The following GUCY1A2 variants were observed in gnomAD, a reference collection of about 807,000 sequenced individuals.
GUCY1A2 encodes guanylate cyclase 1 soluble subunit alpha 2.
In GUCY1A2, 27 loss-of-function variants were observed where a neutral mutation model predicts 63.5. The ratio of observed to expected loss-of-function variants is 0.43; its 90% CI spans 0.31 to 0.59. GUCY1A2 has a LOEUF of 0.59. Among genes scored for constraint, GUCY1A2 ranks in the 20% least tolerant of loss-of-function variants. The pLI, the probability that GUCY1A2 is intolerant of heterozygous loss-of-function variation, is 0.11. For synonymous variants in GUCY1A2, 364 were observed against 343.5 expected, an observed-to-expected ratio of 1.06 and a Z score of -0.66; for missense variants, 768 against 913.3, an observed-to-expected ratio of 0.84 and a Z score of 2.05.
chr11:106,811,174 G>A (rs1858757341), intron 4 of GUCY1A2, among the ~76,000 whole-genome samples: 1 of 151,994 alleles, frequency 6.6e-6, no homozygotes, highest in African/African-American at 2.4e-5. Flanking sequence ...AAGAATCTGA[G>A]GGTAAAGTAA....
intron 3 of GUCY1A2, among the ~76,000 whole-genome samples, chr11:106,977,715 C>T (rs1329007352): frequency 2.0e-5 from 3 of 152,130 alleles, no homozygotes; most frequent in Non-Finnish European, 4.4e-5. Context: ...AAAGAAAGAA[C>T]ATGCAAACTG....
At chr11:106,958,611 T>A (rs200107874) in intron 3 of GUCY1A2, among the ~76,000 whole-genome samples, 26 of 142,968 alleles carry the variant, frequency 1.8e-4, no homozygotes, top group East Asian at 2.0e-4. Flanking sequence ...CTGTTTAATA[T>A]AAAAAAAAAA....
At chr11:106,859,350 C>T (rs1019622455) in intron 4 of GUCY1A2, among the ~76,000 whole-genome samples, 1 of 151,938 alleles carries the variant, frequency 6.6e-6, no homozygotes, top group African/African-American at 2.4e-5. Flanking sequence ...TTGTCTCATA[C>T]TTAAATTGAG....
chr11:106,965,525 G>A (rs1861116509), intron 3 of GUCY1A2, among the ~76,000 whole-genome samples: 1 of 152,132 alleles, frequency 6.6e-6, no homozygotes, highest in Non-Finnish European at 1.5e-5. Flanking sequence ...TTTGATTTGT[G>A]GATTTTACTT....
At chr11:106,865,625 G>A (rs1429702602) in intron 4 of GUCY1A2, among the ~76,000 whole-genome samples, 1 of 151,868 alleles carries the variant, frequency 6.6e-6, no homozygotes, top group African/African-American at 2.4e-5. Flanking sequence ...ACAGGGAGGG[G>A]AGCATCACAC....
chr11:106,702,211 G>T (rs1862828996), intron 7 of GUCY1A2, among the ~76,000 whole-genome samples: 1 of 152,142 alleles, frequency 6.6e-6, no homozygotes, highest in African/African-American at 2.4e-5. Context: ...TGTTTGCTGT[G>T]ACTATGATGA....
rs568315344 is a variant in GUCY1A2 at position 106,679,420 on chromosome 11, C to A, written c.*8129G>T. ...CACACTTGTTTTGCTAGCAGCCAAA[C>A]CCAATTTGAGAAGAATGTGAAGAAG... On this transcript the variant is annotated 3_prime_UTR_variant, in exon 8 of 8. Transcript: ENST00000526355. 1 of 195,516 alleles carries A rather than the reference C, an allele frequency of 5.1e-6. No homozygotes were observed. Among genetic ancestry groups the A allele is most frequent in the Non-Finnish European group, 1.1e-5 (1 of 94,134 alleles). The allele number at this position is 195,516 out of a possible 1,614,324, so 12.1% of individuals were successfully genotyped here. A position where few individuals can be genotyped will look rare whatever the true frequency, so the allele number is the denominator to read the frequency against.
intron 1 of GUCY1A2, among the ~76,000 whole-genome samples, chr11:107,006,290 T>C (rs1861670454): frequency 6.6e-6 from 1 of 152,250 alleles, no homozygotes; most frequent in African/African-American, 2.4e-5. Context: ...CCATTCACTG[T>C]TCACATTTTA....
intron 6 of GUCY1A2, among the ~76,000 whole-genome samples, chr11:106,764,026 T>TA (rs1282369832): frequency 6.6e-6 from 1 of 152,116 alleles, no homozygotes; most frequent in Non-Finnish European, 1.5e-5. Flanking sequence ...TCATTTCTTC[T>TA]ATTTTTTATA....
At chr11:106,809,042 T>C (rs1330526674) in intron 5 of GUCY1A2, among the ~76,000 whole-genome samples, 1 of 152,086 alleles carries the variant, frequency 6.6e-6, no homozygotes, top group Non-Finnish European at 1.5e-5. Context: ...AAAGAGCTCA[T>C]TTCCCCAAGA....
chr11:106,777,690 G>T (rs1864382859), intron 5 of GUCY1A2, among the ~76,000 whole-genome samples: 1 of 129,876 alleles, frequency 7.7e-6, no homozygotes, highest in Non-Finnish European at 1.7e-5. Flanking sequence ...GGGGGTGGGG[G>T]GCTAGGGGTG....
intron 4 of GUCY1A2, among the ~76,000 whole-genome samples, chr11:106,856,538 T>C (rs1859438376): frequency 6.6e-6 from 1 of 152,214 alleles, no homozygotes; most frequent in Non-Finnish European, 1.5e-5. Context: ...ATTTTGAAGA[T>C]AAAGTGAAAC....
chr11:106,972,075 A>T (rs1861202456), intron 3 of GUCY1A2, among the ~76,000 whole-genome samples: 1 of 152,152 alleles, frequency 6.6e-6, no homozygotes. Flanking sequence ...GGTCATCAAA[A>T]ACAACATAAG....
chr11:106,863,900 T>G lies in GUCY1A2; in HGVS notation c.1207-53422A>C, dbSNP rs557682442. ...TATTTTATTCTCTTTGTAGCAATTGTGAATGGGAGTTCACTCATGATTTGG... is the reference window on the plus strand; with the variant it reads ...TATTTTATTCTCTTTGTAGCAATTGGGAATGGGAGTTCACTCATGATTTGG... On this transcript the variant is annotated intron_variant, in intron 4 of 7. Coordinates refer to ENST00000526355, the MANE Select transcript of GUCY1A2 (RefSeq NM_000855.3). 1.2e-4 allele frequency among the ~76,000 whole-genome samples: 18 copies of G among 152,292 alleles called. 1 individual carries two copies. The South Asian group carries it at 3.5e-3, about 30-fold the overall frequency.
chr11:106,934,585 C>A (rs1860649635), intron 4 of GUCY1A2, among the ~76,000 whole-genome samples: 1 of 152,094 alleles, frequency 6.6e-6, no homozygotes, highest in Non-Finnish European at 1.5e-5. Flanking sequence ...CACAGAAAAC[C>A]AGACATTTCC....
chr11:107,012,512 A>T (rs1861761531), intron 1 of GUCY1A2, among the ~76,000 whole-genome samples: 1 of 152,192 alleles, frequency 6.6e-6, no homozygotes, highest in Non-Finnish European at 1.5e-5. Context: ...TAATTCACAA[A>T]AGAGGAAACT....
chr11:106,954,697 G>A (rs1054577916), intron 3 of GUCY1A2, among the ~76,000 whole-genome samples: 1 of 152,090 alleles, frequency 6.6e-6, no homozygotes. Flanking sequence ...TCTGTATTGG[G>A]TACATATATA....
In GUCY1A2 at chr11:106,698,670, C is replaced by A. The variant is rs146756452; in HGVS notation, c.1991+9842G>T. ...TATTAAGTAAATTACAGACTTTATT[C>A]AGATTTCACTGATTTTCTATTAATG... is the stretch of plus-strand genomic sequence containing the variant. On this transcript the variant is annotated intron_variant, in intron 7 of 7. Coordinates refer to ENST00000526355, the MANE Select transcript of GUCY1A2 (RefSeq NM_000855.3). Among the ~76,000 whole-genome samples the A allele has an allele frequency of 3.8e-3, 578 of 152,140 alleles. 3 individuals are homozygous for A. Among genetic ancestry groups the A allele is most frequent in the African/African-American group, 0.014 (565 of 41,512 alleles).
intron 4 of GUCY1A2, among the ~76,000 whole-genome samples, chr11:106,830,617 G>T (rs567726171): frequency 1.5e-4 from 23 of 152,216 alleles, no homozygotes; most frequent in Non-Finnish European, 2.1e-4. Flanking sequence ...GATGCTTCCT[G>T]CTCTCGAACA....
Sources: gnomAD v4.1 joint callset for allele counts (sites outside exome capture counted in the v4.1 genomes callset) on GRCh38, gnomAD v4.1.1 for gene constraint, MANE v1.5 for transcripts, NCBI Gene and HGNC (gene_info 2026-07-23, HGNC 2026-07-21) for gene names.